Variants in PAPPA observed in about 807,000 individuals in gnomAD.
PAPPA encodes pappalysin-1.
Under a neutral mutation model 164.0 loss-of-function variants are expected in PAPPA, and 60 were observed. That is an observed-to-expected ratio of 0.37 (90% CI 0.30 to 0.45). The LOEUF is 0.45. Among genes scored for constraint, PAPPA ranks in the 20% least tolerant of loss-of-function variants. The pLI, the probability that PAPPA is intolerant of heterozygous loss-of-function variation, is 1.00. For missense variants in PAPPA, 1,782 were observed against 2,087.3 expected, an observed-to-expected ratio of 0.85 and a Z score of 2.85; for synonymous variants, 875 against 814.1, an observed-to-expected ratio of 1.07 and a Z score of -1.27.
intron 8 of PAPPA, among the ~76,000 whole-genome samples, chr9:116,267,639 C>T (rs1845083257): frequency 6.6e-6 from 1 of 151,600 alleles, no homozygotes; most frequent in African/African-American, 2.4e-5. Context: ...TTTGGGAGGC[C>T]GAGGCGGGTG....
At chr9:116,205,276 T>C (rs1273819534) in intron 2 of PAPPA, among the ~76,000 whole-genome samples, 1 of 152,154 alleles carries the variant, frequency 6.6e-6, no homozygotes, top group African/African-American at 2.4e-5. Context: ...TTGAAAAGAT[T>C]GGCTTCTGCA....
chr9:116,368,957 C>A (rs866766651), intron 19 of PAPPA, among the ~76,000 whole-genome samples: 1 of 152,144 alleles, frequency 6.6e-6, no homozygotes, highest in Admixed American at 6.5e-5. Flanking sequence ...TGCGCCCCGG[C>A]ATGCTCCTCC....
chr9:116,375,116 T>C (rs1371929222), intron 19 of PAPPA, among the ~76,000 whole-genome samples: 1 of 152,228 alleles, frequency 6.6e-6, no homozygotes. Flanking sequence ...AAGTCTATGA[T>C]GTTTTCAGTA....
intron 13 of PAPPA, among the ~76,000 whole-genome samples, chr9:116,339,001 T>A (rs1186900918): frequency 1.3e-5 from 2 of 152,154 alleles, no homozygotes; most frequent in Admixed American, 1.3e-4. Flanking sequence ...AAATCTAAGT[T>A]CTAAGCAAGA....
rs995413068 is a variant in PAPPA, at chr9:116,347,498, A to G, written c.3964+289A>G. ...AAGTGAAGAAGGGAGGGAAGAAGGAAGAGAGAAAAAGAAAAAAAAGTTACA... is the reference window on the plus strand; with the variant it reads ...AAGTGAAGAAGGGAGGGAAGAAGGAGGAGAGAAAAAGAAAAAAAAGTTACA... On this transcript the variant is annotated intron_variant, in intron 15 of 21. Coordinates refer to ENST00000328252, the MANE Select transcript of PAPPA (RefSeq NM_002581.5). The surrounding 1 kb of genome is among the most constrained non-coding windows in gnomAD (Gnocchi z 4.5). 2.6e-5 allele frequency among the ~76,000 whole-genome samples: 4 copies of G among 152,204 alleles called. No homozygotes were observed. Among genetic ancestry groups the G allele is most frequent in the Non-Finnish European group, 4.4e-5 (3 of 68,034 alleles).
rs1846185010 is a variant in PAPPA at position 116,344,694 on chromosome 9, G to A, written c.3763G>A (p.Glu1255Lys). The change falls in exon 14 of 22, where the codon GAG becomes AAG. Residue 1255 changes from glutamate to lysine, a missense_variant. Glu to Lys is a moderately conservative substitution (Grantham distance 56). Around this residue, in one of 2 missense-constraint regions of PAPPA, gnomAD observed 1,324 missense variants for 1,656.9 expected, o/e 0.80. Transcript: ENST00000328252. ...CGTGCTCCAGATACGGCGGGATGATGAGCTGATCAAGAGCCAGGTATGTGC... is the reference window on the plus strand; with the variant it reads ...CGTGCTCCAGATACGGCGGGATGATAAGCTGATCAAGAGCCAGGTATGTGC... ...GYVLQIRRDD[E>K]LIKSQTGPSV... 2.5e-6 allele frequency: 4 copies of A among 1,613,918 alleles called. No homozygotes were observed. Among genetic ancestry groups the A allele is most frequent in the East Asian group, 2.2e-5 (1 of 44,866 alleles).
chr9:116,314,268 A>T (rs1368423544), intron 10 of PAPPA, among the ~76,000 whole-genome samples: 1 of 151,440 alleles, frequency 6.6e-6, no homozygotes, highest in Middle Eastern at 3.2e-3. Context: ...ACAGGGTTTC[A>T]CCATGTTGGC....
chr9:116,211,647 G>T lies in PAPPA; in HGVS notation c.1633G>T (p.Val545Phe). Reference sequence around the variant, plus strand: ...TGGATTTCCCCTTACAGGTGGCATTGTCTTGAACCCATCTTTCTATGGCAT... The same window carrying T: ...TGGATTTCCCCTTACAGGTGGCATTTTCTTGAACCCATCTTTCTATGGCAT... The part of the protein sequence containing the change: ...KEALMHLGGI[V>F]LNPSFYGMPG... Residue 545 changes from valine (V) to phenylalanine (F), a missense_variant, in exon 4 of 22, where the codon GTC (valine) becomes TTC (phenylalanine). Physicochemically the swap from Val to Phe is conservative, Grantham distance 50. Coordinates refer to ENST00000328252, the MANE Select transcript of PAPPA (RefSeq NM_002581.5). The T allele has an allele frequency of 6.2e-7, 1 of 1,613,934 alleles. No homozygotes were observed. The highest frequency in any genetic ancestry group is 8.5e-7 in the Non-Finnish European group (1 of 1,179,890).
intron 1 of PAPPA, among the ~76,000 whole-genome samples, chr9:116,169,309 TC>T (rs370036364): frequency 7.3e-6 from 1 of 137,104 alleles, no homozygotes; most frequent in African/African-American, 2.7e-5. Context: ...CCAAACCCAT[TC>T]TTTTTTTTTT....
At position 116,344,644 on chromosome 9, in the gene PAPPA, G is replaced by A; in HGVS notation, c.3713G>A (p.Cys1238Tyr). The change falls in exon 14 of 22, where the codon TGT becomes TAT. Residue 1238 changes from cysteine (C) to tyrosine (Y), a missense_variant. This residue lies in a region of PAPPA where 1,324 missense variants were observed against 1,656.9 expected (regional missense o/e 0.80). Transcript: ENST00000328252. Reference sequence around the variant, plus strand: ...AGCGACCGCTACCACGGTGCCCAGTGTACTGTGAGCTGCCGGACAGGCTAC... The same window carrying A: ...AGCGACCGCTACCACGGTGCCCAGTATACTGTGAGCTGCCGGACAGGCTAC... ...SSSDRYHGAQ[C>Y]TVSCRTGYVL... is the part of the protein sequence containing the mutation. 1 of 1,614,206 alleles carries A rather than the reference G, an allele frequency of 6.2e-7. No individual in the cohort carries two copies. The highest frequency in any genetic ancestry group is 1.1e-5 in the South Asian group (1 of 91,080).
In PAPPA at chr9:116,244,532, A is replaced by G. The variant is rs543075351; in HGVS notation, c.2732+8895A>G. 3.3e-5 allele frequency among the ~76,000 whole-genome samples: 5 copies of G among 152,356 alleles called. No homozygotes were observed. In the East Asian group the frequency reaches 9.6e-4, roughly 29 times the overall value. On this transcript the variant is annotated intron_variant, in intron 7 of 21. Transcript: ENST00000328252. ...TGAATAATAGTACACACAAAATTAT[A>G]ATTACAAACTGAAGAGTATTATTTC...
chr9:116,233,235 A>G (rs1042811147), intron 6 of PAPPA, among the ~76,000 whole-genome samples: 1 of 152,258 alleles, frequency 6.6e-6, no homozygotes, highest in African/African-American at 2.4e-5. Context: ...TAATAGAGAC[A>G]AAATGACAAC....
intron 6 of PAPPA, among the ~76,000 whole-genome samples, chr9:116,234,903 A>G (rs886632634): frequency 1.1e-4 from 17 of 152,136 alleles, no homozygotes; most frequent in African/African-American, 4.1e-4. Context: ...CGGTAGTGAG[A>G]TGAAAGCAGT....
chr9:116,259,042 G>A (rs13300615), intron 7 of PAPPA, among the ~76,000 whole-genome samples: 29,751 of 151,552 alleles, frequency 0.2, 3,000 homozygotes, highest in Middle Eastern at 0.31. Flanking sequence ...CTGAGGCAGG[G>A]GAATTGCTTG....
intron 21 of PAPPA, among the ~76,000 whole-genome samples, chr9:116,394,982 C>CA (rs1846943396): frequency 6.6e-6 from 1 of 151,756 alleles, no homozygotes; most frequent in South Asian, 2.1e-4. Flanking sequence ...GAGGATAGAC[C>CA]AAAAAAATAA....
chr9:116,225,791 T>C (rs538797412), intron 5 of PAPPA, among the ~76,000 whole-genome samples: 2 of 152,228 alleles, frequency 1.3e-5, no homozygotes, highest in Admixed American at 1.3e-4. Flanking sequence ...TATTAGCACA[T>C]GCCTAAGTGA....
intron 9 of PAPPA, among the ~76,000 whole-genome samples, chr9:116,280,576 T>C (rs1174912147): frequency 1.3e-5 from 2 of 152,206 alleles, no homozygotes; most frequent in Non-Finnish European, 2.9e-5. Flanking sequence ...CAGTCTCTGA[T>C]TTCTCAGGCC....
rs1300336272 is a variant in PAPPA at position 116,401,144 on chromosome 9, G to C, written c.*4528G>C. On this transcript the variant is annotated 3_prime_UTR_variant, in exon 22 of 22. Transcript: ENST00000328252. The stretch of plus-strand genomic sequence containing the variant: ...CTGAATTGTAGTCCACCTTAAAAGA[G>C]AGACCTGTATTGGAGAATATTTTAT... 3 of 152,630 alleles carry C rather than the reference G, an allele frequency of 2.0e-5. No homozygotes were observed. The highest frequency in any genetic ancestry group is 7.2e-5 in the African/African-American group (3 of 41,466). The allele number at this position is 152,630 out of a possible 1,614,324, so 9.5% of individuals were successfully genotyped here.
chr9:116,227,559 C>A lies in PAPPA; in HGVS notation c.2233+7C>A, dbSNP rs776452497. 4 of 1,613,720 alleles carry A rather than the reference C, an allele frequency of 2.5e-6. No homozygotes were observed. The South Asian group carries it at 4.4e-5, about 18-fold the overall frequency. ...AGCCCTCGTGAAGCAGAAGGTAAGC[C>A]AGCCTTCTGGAAGCTCATTGACAGG... On this transcript the variant is annotated splice_region_variant and intron_variant, in intron 6 of 21. Transcript: ENST00000328252.
Sources: gnomAD v4.1 joint callset for allele counts (sites outside exome capture counted in the v4.1 genomes callset) on GRCh38, gnomAD v4.1.1 for gene constraint, gnomAD v4.1.1 regional missense constraint, Gnocchi (gnomAD v3.1) non-coding constraint, MANE v1.5 for transcripts, NCBI Gene and HGNC (gene_info 2026-07-23, HGNC 2026-07-21) for gene names.